Variants in APBA2 observed in about 807,000 individuals in gnomAD.
The protein encoded by APBA2 is amyloid-beta A4 precursor protein-binding family A member 2.
Under a neutral mutation model 75.0 loss-of-function variants are expected in APBA2, and 30 were observed. That is an observed-to-expected ratio of 0.40 (90% confidence interval 0.30 to 0.54). The LOEUF is 0.54. Among genes scored for constraint, APBA2 ranks in the 20% least tolerant of loss-of-function variants. The probability of loss-of-function intolerance (pLI) is 0.49; values close to 1 mark genes in which losing one functional copy is unlikely to be tolerated. For synonymous variants in APBA2, 444 were observed against 409.6 expected, an observed-to-expected ratio of 1.08 and a Z score of -1.01; for missense variants, 801 against 1,016.1, an observed-to-expected ratio of 0.79 and a Z score of 2.88.
At chr15:28,993,161 A>G (rs1455783700) in intron 2 of APBA2, among the ~76,000 whole-genome samples, 1 of 152,060 alleles carries the variant, frequency 6.6e-6, no homozygotes, top group Non-Finnish European at 1.5e-5. Flanking sequence ...CCCCCCAAAT[A>G]TGCCTGGCTC....
At chr15:28,933,519 A>G (rs2034674835) in intron 2 of APBA2, among the ~76,000 whole-genome samples, 2 of 152,334 alleles carry the variant, frequency 1.3e-5, no homozygotes, top group East Asian at 1.9e-4. Context: ...CCTGAATGGA[A>G]TAAGACTCCC....
At chr15:29,012,565 T>C (rs1183709671) in intron 3 of APBA2, among the ~76,000 whole-genome samples, 2 of 152,230 alleles carry the variant, frequency 1.3e-5, no homozygotes, top group African/African-American at 4.8e-5. Context: ...GGGAGATTGG[T>C]CTGTTCTCAC....
At position 29,054,545 on chromosome 15, in the gene APBA2, G is replaced by A; in HGVS notation, c.661G>A (p.Asp221Asn). ...GAGGCGTGGGGATGGGGACCTGGAGGACCAGGAGGAGGACATTGACCAGAT... is the reference window on the plus strand; with the variant it reads ...GAGGCGTGGGGATGGGGACCTGGAGAACCAGGAGGAGGACATTGACCAGAT... ...RLRRGDGDLE[D>N]QEEDIDQIVA... Residue 221 changes from aspartate to asparagine, a missense_variant, in exon 4 of 15, where the codon GAC becomes AAC. By Grantham distance (23) the Asp-to-Asn change is conservative (BLOSUM62 1). Coordinates refer to ENST00000683413, the MANE Select transcript of APBA2 (RefSeq NM_001353788.2). This position sits in a 1 kb window ranked among gnomAD's most constrained non-coding sequence, Gnocchi z 6.1. The A allele has an allele frequency of 6.2e-7, 1 of 1,613,646 alleles. No individual in the cohort carries two copies. The highest frequency in any genetic ancestry group is 1.1e-5 in the South Asian group (1 of 90,942).
In APBA2 at chr15:28,922,150, G is replaced by A. The variant is rs115850815; in HGVS notation, c.-95+401G>A. 9.4e-3 allele frequency among the ~76,000 whole-genome samples: 1,437 copies of A among 152,276 alleles called. 31 individuals are homozygous for A. The highest frequency in any genetic ancestry group is 0.033 in the African/African-American group (1,365 of 41,540). On this transcript the variant is annotated intron_variant, in intron 2 of 14. Coordinates refer to ENST00000683413, the MANE Select transcript of APBA2 (RefSeq NM_001353788.2). ...TTGGGCAGCCTCCCTTCCCCATGGG[G>A]TGCACATAGGCTGGGGGCATCCCGG...
intron 2 of APBA2, among the ~76,000 whole-genome samples, chr15:28,931,572 C>T (rs541238468): frequency 6.6e-6 from 1 of 152,310 alleles, no homozygotes; most frequent in South Asian, 2.1e-4. Context: ...TCCATAGGGT[C>T]CAGCCGGGGA....
At chr15:28,923,173 T>C (rs749780155) in intron 2 of APBA2, among the ~76,000 whole-genome samples, 1 of 152,180 alleles carries the variant, frequency 6.6e-6, no homozygotes, top group Non-Finnish European at 1.5e-5. Context: ...AAGAGTTTTA[T>C]AAGTTTTATG....
At chr15:28,889,233 C>CCT (rs1034805173) in intron 1 of APBA2, among the ~76,000 whole-genome samples, 2 of 152,158 alleles carry the variant, frequency 1.3e-5, no homozygotes, top group African/African-American at 4.8e-5. Context: ...CCAATCTTCC[C>CCT]CTCTCTCCCT....
intron 2 of APBA2, among the ~76,000 whole-genome samples, chr15:28,968,480 G>A (rs559571183): frequency 6.6e-6 from 1 of 152,258 alleles, no homozygotes; most frequent in South Asian, 2.1e-4. Context: ...GAAGTTCAGC[G>A]TGTCCCTTTG....
At chr15:28,899,444 C>T (rs1355269713) in intron 1 of APBA2, among the ~76,000 whole-genome samples, 3 of 152,254 alleles carry the variant, frequency 2.0e-5, no homozygotes, top group Middle Eastern at 3.2e-3. Context: ...CTGTTGACCT[C>T]GTAACCACTC....
intron 3 of APBA2, among the ~76,000 whole-genome samples, chr15:29,017,215 G>A (rs1056958006): frequency 2.6e-5 from 4 of 152,034 alleles, no homozygotes; most frequent in Admixed American, 6.6e-5. Context: ...AGATGCACCC[G>A]GAGCTTGCTG....
At chr15:29,109,151 G>A (rs2152976347) in intron 13 of APBA2, among the ~76,000 whole-genome samples, 1 of 152,352 alleles carries the variant, frequency 6.6e-6, no homozygotes, top group South Asian at 2.1e-4. Context: ...ACTGCGGGCT[G>A]GAGTGGGAGT....
chr15:29,059,386 A>G (rs141616097), intron 4 of APBA2, among the ~76,000 whole-genome samples: 2,617 of 152,258 alleles, frequency 0.017, 76 homozygotes, highest in African/African-American at 0.061. Flanking sequence ...GGGAGGTGCT[A>G]AAGTAAACTT....
intron 6 of APBA2, among the ~76,000 whole-genome samples, chr15:29,090,964 C>T (rs926381474): frequency 6.6e-6 from 1 of 152,068 alleles, no homozygotes; most frequent in Non-Finnish European, 1.5e-5. Flanking sequence ...CAGATGTGCA[C>T]ACTTCACTCT....
In APBA2 at chr15:28,886,113, G is replaced by C. The variant is rs905923518; in HGVS notation, c.-370G>C. 3 of 149,888 alleles carry C rather than the reference G, an allele frequency of 2.0e-5. No individual in the cohort carries two copies. The highest frequency in any genetic ancestry group is 3.0e-5 in the Non-Finnish European group (2 of 67,260). The allele number at this position is 149,888 out of a possible 1,614,324, so 9.3% of individuals were successfully genotyped here. A position where few individuals can be genotyped will look rare whatever the true frequency, so the allele number is the denominator to read the frequency against. On this transcript the variant is annotated 5_prime_UTR_variant, in exon 1 of 15. Transcript: ENST00000683413. ...GCCCTGCGTGCCGTACGCTGCGTCC[G>C]GGGCGCGCCCGCCGCTATTCGGGAA...
chr15:28,907,814 G>A (rs2033208606), intron 1 of APBA2, among the ~76,000 whole-genome samples: 2 of 152,282 alleles, frequency 1.3e-5, no homozygotes, highest in African/African-American at 4.8e-5. Context: ...GACCCTTTCA[G>A]CCATAAAGTC....
At chr15:29,047,962 T>C (rs1460861377) in intron 3 of APBA2, among the ~76,000 whole-genome samples, 1 of 152,016 alleles carries the variant, frequency 6.6e-6, no homozygotes, top group Non-Finnish European at 1.5e-5. Flanking sequence ...ATAAAGAAAA[T>C]TACAAAGCCG....
chr15:28,955,084 A>C (rs1422109651), intron 2 of APBA2, among the ~76,000 whole-genome samples: 2 of 152,170 alleles, frequency 1.3e-5, no homozygotes, highest in Non-Finnish European at 2.9e-5. Context: ...TATTTGTTGC[A>C]GTGAACAGAG....
intron 13 of APBA2, among the ~76,000 whole-genome samples, chr15:29,113,292 CT>C (rs1485024423): frequency 6.6e-6 from 1 of 152,056 alleles, no homozygotes; most frequent in Non-Finnish European, 1.5e-5. Flanking sequence ...GAATGAGACC[CT>C]GTCTCCAACA....
intron 3 of APBA2, among the ~76,000 whole-genome samples, chr15:29,048,976 C>T (rs977065228): frequency 6.6e-6 from 1 of 151,846 alleles, no homozygotes; most frequent in Non-Finnish European, 1.5e-5. Context: ...GTATGACACG[C>T]AGGGTGACCA....
Sources: gnomAD v4.1 joint callset for allele counts (sites outside exome capture counted in the v4.1 genomes callset) on GRCh38, gnomAD v4.1.1 for gene constraint, Gnocchi (gnomAD v3.1) non-coding constraint, MANE v1.5 for transcripts, NCBI Gene and HGNC (gene_info 2026-07-23, HGNC 2026-07-21) for gene names.